KIDINS220: variants seen among roughly 807,000 people sequenced by gnomAD.
The protein encoded by KIDINS220 is kinase D interacting substrate 220.
In KIDINS220, 63 loss-of-function variants were observed where a neutral mutation model predicts 157.6. The observed-to-expected ratio is 0.40, with a 90% CI of 0.33 to 0.49. The LOEUF is 0.49. Ranked by LOEUF, KIDINS220 falls within the 20% of genes least tolerant of loss-of-function variation. KIDINS220 has a pLI of 0.66. For missense variants in KIDINS220, 1,772 were observed against 2,171.2 expected (o/e 0.82, Z 3.65); for synonymous variants, 732 against 783.6 (o/e 0.93, Z 1.10).
intron 2 of KIDINS220, among the ~76,000 whole-genome samples, chr2:8,821,697 T>C (rs763034407): frequency 6.6e-6 from 1 of 152,236 alleles, no homozygotes. Flanking sequence ...TCTTAACTGA[T>C]GCACCTTTTG....
chr2:8,792,386 C>T (rs964393279), intron 12 of KIDINS220, among the ~76,000 whole-genome samples: 2 of 152,214 alleles, frequency 1.3e-5, no homozygotes, highest in East Asian at 3.9e-4. Context: ...CACAGAAAGA[C>T]TCTTACATCA....
intron 15 of KIDINS220, among the ~76,000 whole-genome samples, chr2:8,786,589 T>C (rs915946668): frequency 6.6e-6 from 1 of 152,128 alleles, no homozygotes; most frequent in Admixed American, 6.5e-5. Context: ...TGCAGGGCCA[T>C]ATAAAGTAAT....
intron 2 of KIDINS220, among the ~76,000 whole-genome samples, chr2:8,819,231 A>C (rs765564846): frequency 6.6e-6 from 1 of 152,238 alleles, no homozygotes; most frequent in Non-Finnish European, 1.5e-5. Flanking sequence ...AAAATAATAA[A>C]TAAAAACAAC....
Position 8,812,513 on chromosome 2 carries a change from G to T in KIDINS220, c.406-20C>A. On this transcript the variant is annotated intron_variant, in intron 5 of 29. Coordinates refer to ENST00000256707, the MANE Select transcript of KIDINS220 (RefSeq NM_020738.4). Reference sequence around the variant, plus strand: ...ACTGTACTGCTAGGATAGATTGGTTGGTAGGTAGGTAGATAAGTAGGAAGG... The same window carrying T: ...ACTGTACTGCTAGGATAGATTGGTTTGTAGGTAGGTAGATAAGTAGGAAGG... 7.2e-7 allele frequency: 1 copy of T among 1,380,588 alleles called. No homozygotes were observed. The highest frequency in any genetic ancestry group is 9.8e-7 in the Non-Finnish European group (1 of 1,016,732). 85.5% of individuals were successfully genotyped at this position (1,380,588 alleles called of 1,614,324 possible).
chr2:8,784,084 G>GA (rs968824269), intron 17 of KIDINS220, among the ~76,000 whole-genome samples: 7 of 150,434 alleles, frequency 4.7e-5, no homozygotes, highest in African/African-American at 1.7e-4. Flanking sequence ...AAAGAGCCCA[G>GA]AAACAGACCT....
chr2:8,801,703 C>G (rs1209780861), intron 8 of KIDINS220, among the ~76,000 whole-genome samples: 1 of 152,124 alleles, frequency 6.6e-6, no homozygotes, highest in Admixed American at 6.6e-5. Context: ...GCCAGGAGTT[C>G]GAGACCAGCC....
At chr2:8,799,280 T>G (rs1457892383) in intron 9 of KIDINS220, among the ~76,000 whole-genome samples, 1 of 152,014 alleles carries the variant, frequency 6.6e-6, no homozygotes, top group African/African-American at 2.4e-5. Context: ...TCTATTTTTT[T>G]TTTTTTAAGA....
intron 4 of KIDINS220, among the ~76,000 whole-genome samples, chr2:8,815,047 T>C (rs748165153): frequency 8.5e-5 from 13 of 152,234 alleles, no homozygotes; most frequent in Non-Finnish European, 1.9e-4. Flanking sequence ...CTTACATCTG[T>C]ATTTTAACTT....
intron 21 of KIDINS220, among the ~76,000 whole-genome samples, chr2:8,774,872 GA>G (rs1414862315): frequency 6.6e-6 from 1 of 152,156 alleles, no homozygotes; most frequent in Non-Finnish European, 1.5e-5. Context: ...TATTTTAAAA[GA>G]ATCACTGTGG....
Position 8,817,716 on chromosome 2 carries a change from C to A in KIDINS220, c.208G>T (p.Asp70Tyr), listed in dbSNP as rs756095658. Residue 70 changes from aspartate (D) to tyrosine (Y), a missense_variant and splice_region_variant, in exon 4 of 30, where the codon GAT becomes TAT. Around this residue, in one of 3 missense-constraint regions of KIDINS220, gnomAD observed 254 missense variants for 268.6 expected, o/e 0.95. Coordinates refer to ENST00000256707, the MANE Select transcript of KIDINS220 (RefSeq NM_020738.4). ...GCAGATATAAGTGCTGTCCAATTAT[C>A]CTTGAACATATATTTTAAAAGTTAT... ...NGANCNLEDL[D>Y]NWTALISASK... is the part of the protein sequence containing the mutation. The A allele has an allele frequency of 6.3e-7, 1 of 1,578,528 alleles. No homozygotes were observed. The highest frequency in any genetic ancestry group is 1.2e-5 in the South Asian group (1 of 85,428).
intron 26 of KIDINS220, 48 bp from the exon 27 acceptor site, chr2:8,737,047 A>G (rs1664978453): frequency 6.3e-7 from 1 of 1,589,268 alleles, no homozygotes; most frequent in Admixed American, 1.7e-5. Flanking sequence ...ATTTAATGCC[A>G]TCTATAATGA....
At position 8,730,586 on chromosome 2, in the gene KIDINS220, T is replaced by C; in HGVS notation, c.*134A>G. The stretch of plus-strand genomic sequence containing the variant: ...CCTTCTGTCACACTGCAGATGTCTC[T>C]TTTACCTCGGCCTCATCATCGGTTA... On this transcript the variant is annotated 3_prime_UTR_variant, in exon 30 of 30. Coordinates refer to ENST00000256707, the MANE Select transcript of KIDINS220 (RefSeq NM_020738.4). 2.8e-6 allele frequency: 4 copies of C among 1,441,180 alleles called. No individual in the cohort carries two copies. Among genetic ancestry groups the C allele is most frequent in the Non-Finnish European group, 3.6e-6 (4 of 1,104,426 alleles). 89.3% of individuals were successfully genotyped at this position (1,441,180 alleles called of 1,614,324 possible).
At chr2:8,806,697 A>G (rs1675504721) in intron 6 of KIDINS220, among the ~76,000 whole-genome samples, 1 of 152,156 alleles carries the variant, frequency 6.6e-6, no homozygotes, top group South Asian at 2.1e-4. Context: ...CTCCTGCCTC[A>G]GCCTCCTGAG....
At chr2:8,791,010 G>A (rs566985072) in intron 13 of KIDINS220, 50 bp downstream of exon 13, 2 of 1,526,960 alleles carry the variant, frequency 1.3e-6, no homozygotes, top group African/African-American at 1.4e-5. Flanking sequence ...AAAATCCCCA[G>A]AGAAAACCTT....
intron 1 of KIDINS220, among the ~76,000 whole-genome samples, chr2:8,835,823 G>A (rs1470541543): frequency 2.6e-5 from 4 of 152,080 alleles, no homozygotes; most frequent in Non-Finnish European, 4.4e-5. Flanking sequence ...GACAAATACA[G>A]TAGCACATAA....
At chr2:8,721,156 A>T (rs1662937589), downstream of KIDINS220, 1 of 152,194 alleles carries the variant, frequency 6.6e-6, no homozygotes, top group African/African-American at 2.4e-5. Flanking sequence ...TGTATATATT[A>T]CTTATATATT....
In KIDINS220 at chr2:8,827,113, TAAC is replaced by T; in HGVS notation, c.-23_-21del. 1 of 1,360,168 alleles carries T rather than the reference TAAC, an allele frequency of 7.4e-7. No homozygotes were observed. The allele number at this position is 1,360,168 out of a possible 1,614,324, so 84.3% of individuals were successfully genotyped here. Reference sequence around the variant, plus strand: ...TGACATTTTCACAGAAAGCTGCAATTAACTTTATTTGAATACCTGTTAAATTAG... The same window carrying T: ...TGACATTTTCACAGAAAGCTGCAATTTTTATTTGAATACCTGTTAAATTAG... On this transcript the variant is annotated 5_prime_UTR_variant, in exon 2 of 30. Transcript: ENST00000256707.
intron 12 of KIDINS220, among the ~76,000 whole-genome samples, chr2:8,792,523 T>C (rs1189881800): frequency 6.6e-6 from 1 of 152,244 alleles, no homozygotes; most frequent in Non-Finnish European, 1.5e-5. Flanking sequence ...CAATAGCCTA[T>C]GAATATATTA....
At chr2:8,802,749 T>A (rs1325179752) in intron 8 of KIDINS220, among the ~76,000 whole-genome samples, 181 bp downstream of exon 8, 1 of 152,132 alleles carries the variant, frequency 6.6e-6, no homozygotes, top group Non-Finnish European at 1.5e-5. Flanking sequence ...TTGACAAAAA[T>A]TAAAAAGGAC....
Sources: gnomAD v4.1 joint callset for allele counts (sites outside exome capture counted in the v4.1 genomes callset) on GRCh38, gnomAD v4.1.1 for gene constraint, gnomAD v4.1.1 regional missense constraint, MANE v1.5 for transcripts, NCBI Gene and HGNC (gene_info 2026-07-23, HGNC 2026-07-21) for gene names.